UBE2W: variants seen among roughly 807,000 people sequenced by gnomAD.
UBE2W encodes ubiquitin-conjugating enzyme E2 W.
A neutral mutation model predicts 27.2 loss-of-function variants in UBE2W; 18 were observed. That is an observed-to-expected ratio of 0.66 (90% CI 0.46 to 0.98). The LOEUF (loss-of-function observed/expected upper bound fraction) is 0.98, where lower values mean the gene tolerates loss of function less well. Among genes scored for constraint, UBE2W ranks in the 50% least tolerant of loss-of-function variants. The probability of loss-of-function intolerance (pLI) is 0.00; values close to 1 mark genes in which losing one functional copy is unlikely to be tolerated. For synonymous variants in UBE2W, 53 were observed against 57.2 expected, an observed-to-expected ratio of 0.93 and a Z score of 0.33; for missense variants, 90 against 180.2, an observed-to-expected ratio of 0.50 and a Z score of 2.87.
intron 1 of UBE2W, among the ~76,000 whole-genome samples, chr8:73,851,312 T>C (rs888992731): frequency 1.3e-5 from 2 of 152,022 alleles, no homozygotes; most frequent in African/African-American, 2.4e-5. Flanking sequence ...TATGTAAATA[T>C]TGAAGAGACG....
chr8:73,807,677 A>C (rs1464986031), intron 4 of UBE2W, among the ~76,000 whole-genome samples: 2 of 152,208 alleles, frequency 1.3e-5, no homozygotes, highest in Non-Finnish European at 2.9e-5. Flanking sequence ...TGGAATTGGT[A>C]CTACTAGAGC....
At chr8:73,863,526 T>C (rs1386837377) in intron 1 of UBE2W, among the ~76,000 whole-genome samples, 17 of 148,862 alleles carry the variant, frequency 1.1e-4, no homozygotes, top group Non-Finnish European at 3.0e-5. Flanking sequence ...CATGTATACA[T>C]ATGTAACTAA....
chr8:73,795,368 T>C (rs1168495820), intron 5 of UBE2W, among the ~76,000 whole-genome samples: 1 of 152,148 alleles, frequency 6.6e-6, no homozygotes, highest in Non-Finnish European at 1.5e-5. Flanking sequence ...CCTTCCTGTC[T>C]CTTGCTCCCT....
At chr8:73,840,151 G>A (rs1586504763) in intron 1 of UBE2W, among the ~76,000 whole-genome samples, 1 of 152,096 alleles carries the variant, frequency 6.6e-6, no homozygotes, top group South Asian at 2.1e-4. Context: ...CTGCCTCCAA[G>A]GTTCACACCA....
intron 1 of UBE2W, among the ~76,000 whole-genome samples, chr8:73,842,581 C>CA (rs1411392966): frequency 1.6e-4 from 15 of 92,530 alleles, no homozygotes; most frequent in Admixed American, 1.2e-3. Context: ...TGAGTACTGA[C>CA]AAAAAAAATA....
At chr8:73,858,972 G>T (rs1337910586) in intron 1 of UBE2W, among the ~76,000 whole-genome samples, 2 of 113,686 alleles carry the variant, frequency 1.8e-5, no homozygotes, top group East Asian at 2.7e-4. Flanking sequence ...AGCACAGGGG[G>T]TTTTTGCGTG....
At chr8:73,877,742 C>A (rs1247707292) in intron 1 of UBE2W, among the ~76,000 whole-genome samples, 1 of 152,168 alleles carries the variant, frequency 6.6e-6, no homozygotes, top group Non-Finnish European at 1.5e-5. Flanking sequence ...TCTTCCAATG[C>A]CTTTGATACC....
chr8:73,803,353 G>A (rs760994509), intron 5 of UBE2W, among the ~76,000 whole-genome samples: 1 of 152,110 alleles, frequency 6.6e-6, no homozygotes, highest in South Asian at 2.1e-4. Context: ...CCTTATCACT[G>A]ATTTGTAATG....
intron 1 of UBE2W, among the ~76,000 whole-genome samples, chr8:73,865,200 A>G (rs2130980855): frequency 6.6e-6 from 1 of 150,976 alleles, no homozygotes; most frequent in Non-Finnish European, 1.5e-5. Context: ...AAAAAAAAAA[A>G]AAAAAAAGCA....
At chr8:73,854,566 A>G (rs954863101) in intron 1 of UBE2W, among the ~76,000 whole-genome samples, 2 of 152,250 alleles carry the variant, frequency 1.3e-5, no homozygotes, top group Admixed American at 6.5e-5. Flanking sequence ...GCTGAGGTCA[A>G]TATTTTCCAG....
intron 1 of UBE2W, among the ~76,000 whole-genome samples, chr8:73,845,079 A>C (rs7823596): frequency 7.2e-3 from 46 of 6,370 alleles, no homozygotes; most frequent in South Asian, 0.048. Flanking sequence ...GGCCAGCTGC[A>C]CCATCTGGGA....
intron 2 of UBE2W, among the ~76,000 whole-genome samples, chr8:73,827,703 A>AT (rs1207667033): frequency 2.0e-5 from 3 of 151,196 alleles, no homozygotes; most frequent in Admixed American, 1.3e-4. Flanking sequence ...CCAACTTTTA[A>AT]TTTTTTTCTT....
chr8:73,829,337 G>A (rs146996684), intron 2 of UBE2W, among the ~76,000 whole-genome samples: 14 of 152,176 alleles, frequency 9.2e-5, no homozygotes, highest in African/African-American at 2.9e-4. Context: ...TCTGAGGTAG[G>A]TTAAGAAAAG....
rs1808028637 is a variant in UBE2W, at chr8:73,787,947, T to C, written c.*6155A>G. On this transcript the variant is annotated 3_prime_UTR_variant, in exon 6 of 6. Coordinates refer to ENST00000602593, the MANE Select transcript of UBE2W (RefSeq NM_018299.6). Reference sequence around the variant, plus strand: ...ACATAAAGGTGATGTGTTAAATAGATGGTTTAAGTGACTATCTTCATTCTG... The same window carrying C: ...ACATAAAGGTGATGTGTTAAATAGACGGTTTAAGTGACTATCTTCATTCTG... 3 of 985,256 alleles carry C rather than the reference T, an allele frequency of 3.0e-6. No homozygotes were observed. Among genetic ancestry groups the C allele is most frequent in the African/African-American group, 3.5e-5 (2 of 57,252 alleles). The allele number at this position is 985,256 out of a possible 1,614,324, so 61.0% of individuals were successfully genotyped here.
intron 5 of UBE2W, among the ~76,000 whole-genome samples, 179 bp downstream of exon 5, chr8:73,805,472 C>CAAAAAAAAAAACAAACAAAAAA: frequency 4.6e-5 from 2 of 43,676 alleles, no homozygotes; most frequent in Non-Finnish European, 9.9e-5. Context: ...AAAAAAAAAA[C>CAAAAAAAAAAACAAACAAAAAA]AAAAAAAACT....
chr8:73,870,827 G>GAAA (rs60577226), intron 1 of UBE2W, among the ~76,000 whole-genome samples: 2 of 99,520 alleles, frequency 2.0e-5, no homozygotes, highest in African/African-American at 7.1e-5. Flanking sequence ...TGAGTGAAAA[G>GAAA]AAAAAAAAAA....
chr8:73,789,942 C>T lies in UBE2W; in HGVS notation c.*4160G>A. The T allele has an allele frequency of 1.0e-6, 1 of 984,140 alleles. No homozygotes were observed. Among genetic ancestry groups the T allele is most frequent in the Non-Finnish European group, 1.2e-6 (1 of 828,888 alleles). 61.0% of individuals were successfully genotyped at this position (984,140 alleles called of 1,614,324 possible). On this transcript the variant is annotated 3_prime_UTR_variant, in exon 6 of 6. Coordinates refer to ENST00000602593, the MANE Select transcript of UBE2W (RefSeq NM_018299.6). ...ATAATTTGCTTGGACAATAATTTGG[C>T]TTTGGGAGAGTCCTCATCCGAAAAT...
intron 5 of UBE2W, chr8:73,795,642 C>A (rs1364358761): frequency 5.5e-6 from 2 of 364,602 alleles, no homozygotes; most frequent in Non-Finnish European, 3.8e-6. Flanking sequence ...TGGGCAAACT[C>A]ATAGAGTATT....
At chr8:73,854,863 GTA>G (rs1273447369) in intron 1 of UBE2W, among the ~76,000 whole-genome samples, 1 of 152,122 alleles carries the variant, frequency 6.6e-6, no homozygotes, top group Non-Finnish European at 1.5e-5. Context: ...AACATGTTTT[GTA>G]TATTATATAC....
Sources: allele counts gnomAD v4.1 joint callset (sites outside exome capture counted in the v4.1 genomes callset), GRCh38; gene constraint gnomAD v4.1.1; transcripts MANE v1.5; gene names NCBI Gene and HGNC (gene_info 2026-07-23, HGNC 2026-07-21).